KALRN: variants seen among roughly 807,000 people sequenced by gnomAD.
KALRN encodes kalirin.
Under a neutral mutation model 353.7 loss-of-function variants are expected in KALRN, and 70 were observed. That is an observed-to-expected ratio of 0.20 (90% confidence interval 0.16 to 0.24). The LOEUF is 0.24. Among genes scored for constraint, KALRN ranks in the 10% least tolerant of loss-of-function variants. The probability of loss-of-function intolerance (pLI) is 1.00; values close to 1 mark genes in which losing one functional copy is unlikely to be tolerated. For synonymous variants in KALRN, 1,391 were observed against 1,434.8 expected, an observed-to-expected ratio of 0.97 and a Z score of 0.69; for missense variants, 2,791 against 3,756.7, an observed-to-expected ratio of 0.74 and a Z score of 6.72.
chr3:124,126,140 A>G (rs1195200321), intron 1 of KALRN, among the ~76,000 whole-genome samples: 2 of 152,130 alleles, frequency 1.3e-5, no homozygotes, highest in Non-Finnish European at 2.9e-5. Flanking sequence ...CTGGCCAAGA[A>G]TTGGGAGAGA....
intron 38 of KALRN, among the ~76,000 whole-genome samples, chr3:124,655,373 A>G (rs546486686): frequency 6.6e-6 from 1 of 152,270 alleles, no homozygotes; most frequent in Admixed American, 6.5e-5. Context: ...TTTTCGTGTG[A>G]CTATTGTATG....
intron 16 of KALRN, among the ~76,000 whole-genome samples, chr3:124,432,453 C>A (rs1041286328): frequency 2.6e-5 from 4 of 152,106 alleles, no homozygotes; most frequent in Non-Finnish European, 5.9e-5. Context: ...AGTCAAGTTC[C>A]CACAGTCATA....
In KALRN at chr3:124,496,008, TATATAC is replaced by T. The variant is rs1561137755; in HGVS notation, c.4833-301_4833-296del. On this transcript the variant is annotated intron_variant, in intron 32 of 59. Coordinates refer to ENST00000682506, the MANE Select transcript of KALRN (RefSeq NM_001388419.1). ...ATATATATATATATATATATATATA[TATATAC>T]ACACACATATATACATACATACACC... Among the ~76,000 whole-genome samples, 25 of 60,590 alleles carry T rather than the reference TATATAC, an allele frequency of 4.1e-4. 3 individuals carry two copies. Among genetic ancestry groups the T allele is most frequent in the Non-Finnish European group, 5.6e-4 (20 of 35,904 alleles). The allele number at this position is 60,590 out of a possible 152,430, so 39.7% of individuals were successfully genotyped here.
chr3:124,250,459 A>G (rs978444147), intron 3 of KALRN, among the ~76,000 whole-genome samples: 1 of 152,142 alleles, frequency 6.6e-6, no homozygotes, highest in Non-Finnish European at 1.5e-5. Context: ...GAGGCAGCCC[A>G]TGGCTGCACT....
In KALRN at chr3:124,413,647, A is replaced by G; in HGVS notation, c.2524A>G (p.Thr842Ala). The change falls in exon 14 of 60, where the codon ACG (threonine) becomes GCG (alanine). Residue 842 changes from threonine to alanine, a missense_variant. By Grantham distance (58) the Thr-to-Ala change is moderately conservative. Coordinates refer to ENST00000682506, the MANE Select transcript of KALRN (RefSeq NM_001388419.1). The stretch of plus-strand genomic sequence containing the variant: ...GGGACAGGATCTGCACCAGTACATC[A>G]CGGAGGTCCAGGCATCAGGTGGGTG... ...QQGQDLHQYI[T>A]EVQASGIELI... The G allele has an allele frequency of 1.2e-6, 2 of 1,613,848 alleles. No homozygotes were observed. The highest frequency in any genetic ancestry group is 1.7e-6 in the Non-Finnish European group (2 of 1,179,886).
At chr3:124,291,797 G>T (rs1216180623) in intron 5 of KALRN, among the ~76,000 whole-genome samples, 1 of 152,114 alleles carries the variant, frequency 6.6e-6, no homozygotes. Context: ...CTGGATTTAT[G>T]ACAAAAGACA....
At chr3:124,327,433 C>T (rs1453222499) in intron 7 of KALRN, among the ~76,000 whole-genome samples, 1 of 152,090 alleles carries the variant, frequency 6.6e-6, no homozygotes. Context: ...CAGTTGCAAC[C>T]ATAGGTCAAA....
intron 10 of KALRN, among the ~76,000 whole-genome samples, chr3:124,374,046 T>C (rs1326027066): frequency 2.0e-5 from 3 of 152,134 alleles, no homozygotes; most frequent in Non-Finnish European, 2.9e-5. Flanking sequence ...CAAATGTATA[T>C]ATTGAAACCT....
At chr3:124,641,447 C>T (rs1266501212) in intron 37 of KALRN, among the ~76,000 whole-genome samples, 6 of 152,188 alleles carry the variant, frequency 3.9e-5, no homozygotes, top group Non-Finnish European at 7.3e-5. Context: ...CTTTTCTAGA[C>T]GTGTGGACTG....
At position 124,413,632 on chromosome 3, in the gene KALRN, C is replaced by A. The variant is rs758868403; in HGVS notation, c.2509C>A (p.Leu837Met). 1.2e-6 allele frequency: 2 copies of A among 1,614,148 alleles called. No individual in the cohort carries two copies. Among genetic ancestry groups the A allele is most frequent in the Admixed American group, 1.7e-5 (1 of 60,022 alleles). Reference protein sequence around the residue: ...TFEVIQQGQDLHQYITEVQAS... With the variant: ...TFEVIQQGQDMHQYITEVQAS... ...TGAGGTTATCCAGCAGGGACAGGAT[C>A]TGCACCAGTACATCACGGAGGTCCA... Residue 837 changes from leucine to methionine, a missense_variant, in exon 14 of 60, where the codon CTG becomes ATG. By Grantham distance (15) the Leu-to-Met change is conservative. Transcript: ENST00000682506.
intron 1 of KALRN, among the ~76,000 whole-genome samples, chr3:124,140,315 A>G (rs1471485580): frequency 2.6e-5 from 4 of 152,240 alleles, no homozygotes; most frequent in Non-Finnish European, 5.9e-5. Context: ...TGTGTAGTTT[A>G]AAAGAAACAT....
In KALRN at chr3:124,254,623, G is replaced by A. The variant is rs183489650; in HGVS notation, c.264-9875G>A. Among the ~76,000 whole-genome samples, 40 of 152,242 alleles carry A rather than the reference G, an allele frequency of 2.6e-4. No homozygotes were observed. In the East Asian group the frequency reaches 6.6e-3, roughly 25 times the overall value. On this transcript the variant is annotated intron_variant, in intron 3 of 59. Transcript: ENST00000682506. ...TCATCTGAGGAATTCATAAGATAAT[G>A]TATATAAATGTTAATACAGAGCCTC...
At chr3:124,049,054 G>A (rs1346036565) in intron 1 of KALRN, among the ~76,000 whole-genome samples, 1 of 152,178 alleles carries the variant, frequency 6.6e-6, no homozygotes, top group African/African-American at 2.4e-5. Context: ...TTCTCTGAAG[G>A]ATAACTTTTT....
chr3:124,037,264 G>A (rs370971942), intron 1 of KALRN, among the ~76,000 whole-genome samples: 3 of 152,232 alleles, frequency 2.0e-5, no homozygotes, highest in Admixed American at 6.5e-5. Flanking sequence ...ATTGCTAAGC[G>A]TTGTGGTGCT....
intron 1 of KALRN, among the ~76,000 whole-genome samples, chr3:124,156,510 A>C (rs948122911): frequency 3.3e-5 from 5 of 152,140 alleles, no homozygotes; most frequent in African/African-American, 9.7e-5. Flanking sequence ...TTTTGTAATG[A>C]ATCTCATCTG....
chr3:124,390,866 T>C (rs1255580132), intron 11 of KALRN, among the ~76,000 whole-genome samples: 2 of 152,122 alleles, frequency 1.3e-5, no homozygotes, highest in Non-Finnish European at 2.9e-5. Flanking sequence ...TCTTGTCTCC[T>C]TCCTTCCTGT....
chr3:124,702,160 A>G, intron 57 of KALRN, 44 bp downstream of exon 57: 1 of 1,221,548 alleles, frequency 8.2e-7, no homozygotes, highest in Non-Finnish European at 1.2e-6. Flanking sequence ...AACACCTAGC[A>G]ACATCACATC....
intron 16 of KALRN, 80 bp from the exon 17 acceptor site, chr3:124,434,227 C>G: frequency 1.0e-6 from 1 of 980,746 alleles, no homozygotes; most frequent in East Asian, 2.5e-5. Flanking sequence ...TGCATCTTTT[C>G]ACTCACGCCT....
chr3:124,536,355 C>T (rs1460566529), intron 33 of KALRN, among the ~76,000 whole-genome samples: 2 of 152,122 alleles, frequency 1.3e-5, no homozygotes, highest in African/African-American at 4.8e-5. Flanking sequence ...GCATGAGCCA[C>T]CACGTCCGGC....
Sources: allele counts gnomAD v4.1 joint callset (sites outside exome capture counted in the v4.1 genomes callset), GRCh38; gene constraint gnomAD v4.1.1; transcripts MANE v1.5; gene names NCBI Gene and HGNC (gene_info 2026-07-23, HGNC 2026-07-21).